RELN: variants seen among roughly 807,000 people sequenced by gnomAD.
RELN encodes the protein reelin.
Under a neutral mutation model 427.6 loss-of-function variants are expected in RELN, and 108 were observed. The observed-to-expected ratio is 0.25, with a 90% CI of 0.22 to 0.30. The LOEUF (loss-of-function observed/expected upper bound fraction) is 0.30. RELN is among the 10% of genes least tolerant of loss of function. The pLI is 1.00. For synonymous variants in RELN, 1,524 were observed against 1,513.4 expected (o/e 1.01, Z -0.16); for missense variants, 3,715 against 4,302.8 (o/e 0.86, Z 3.82).
At chr7:103,512,342 G>T (rs1829446504) in intron 50 of RELN, among the ~76,000 whole-genome samples, 1 of 152,144 alleles carries the variant, frequency 6.6e-6, no homozygotes, top group Non-Finnish European at 1.5e-5. Flanking sequence ...GATTATTTAA[G>T]AAATTAGGAT....
At chr7:103,828,631 T>C (rs908266312) in intron 3 of RELN, among the ~76,000 whole-genome samples, 2 of 151,978 alleles carry the variant, frequency 1.3e-5, no homozygotes, top group Non-Finnish European at 2.9e-5. Context: ...GAATTTTGCC[T>C]GTAATTCACA....
At chr7:103,687,154 T>A (rs1366025489) in intron 10 of RELN, among the ~76,000 whole-genome samples, 1 of 152,326 alleles carries the variant, frequency 6.6e-6, no homozygotes, top group South Asian at 2.1e-4. Context: ...GCAATAATTA[T>A]GACAACTCTA....
chr7:103,496,739 C>T lies in RELN; in HGVS notation c.8980G>A (p.Asp2994Asn). ...GITWTLLHEMDYQKYISVRHD... is the reference protein window; with the variant it reads ...GITWTLLHEMNYQKYISVRHD... ...CTAACAGAAATGTATTTCTGGTAATCCATCTCATGGAGCAAAGTCCAGGTA... is the reference window on the plus strand; with the variant it reads ...CTAACAGAAATGTATTTCTGGTAATTCATCTCATGGAGCAAAGTCCAGGTA... The change falls in exon 56 of 65, where the codon GAT becomes AAT. Residue 2994 changes from aspartate (D) to asparagine (N), a missense_variant. Asp to Asn is a conservative substitution (Grantham distance 23, BLOSUM62 1). This residue lies in a region of RELN where 1,310 missense variants were observed against 1,643.0 expected (regional missense o/e 0.80). Transcript: ENST00000428762. 1 of 1,614,022 alleles carries T rather than the reference C, an allele frequency of 6.2e-7. No individual in the cohort carries two copies. Among genetic ancestry groups the T allele is most frequent in the Admixed American group, 1.7e-5 (1 of 60,006 alleles).
In RELN at chr7:103,974,088, A is replaced by G. The variant is rs142754551; in HGVS notation, c.226+15043T>C. On this transcript the variant is annotated intron_variant, in intron 1 of 64. Coordinates refer to ENST00000428762, the MANE Select transcript of RELN (RefSeq NM_005045.4). ...AACCCAAAAGGTGGAGGTTGAGGTGAGCCGAGACGGTGCCACTGCACTCCA... is the reference window on the plus strand; with the variant it reads ...AACCCAAAAGGTGGAGGTTGAGGTGGGCCGAGACGGTGCCACTGCACTCCA... Among the ~76,000 whole-genome samples the G allele has an allele frequency of 3.4e-3, 517 of 152,342 alleles. 4 individuals carry two copies. Among genetic ancestry groups the G allele is most frequent in the African/African-American group, 0.012 (490 of 41,572 alleles).
At chr7:103,513,644 A>G (rs1458050699) in intron 50 of RELN, 1 of 152,178 alleles carries the variant, frequency 6.6e-6, no homozygotes, top group African/African-American at 2.4e-5. Context: ...GTTATGCCAC[A>G]TGATATACTA....
intron 51 of RELN, 58 bp from the exon 52 acceptor site, chr7:103,503,288 A>T: frequency 1.3e-6 from 2 of 1,527,138 alleles, no homozygotes; most frequent in South Asian, 2.3e-5. Context: ...ATTCTTCTCC[A>T]AGGACTTGGC....
At chr7:103,518,921 T>G (rs947625210) in intron 49 of RELN, among the ~76,000 whole-genome samples, 2 of 152,176 alleles carry the variant, frequency 1.3e-5, no homozygotes, top group African/African-American at 4.8e-5. Flanking sequence ...TTCTTAAGGA[T>G]ATTTACATTT....
At chr7:103,542,687 A>G (rs766966854) in intron 43 of RELN, 44 bp downstream of exon 43, 8 of 1,605,582 alleles carry the variant, frequency 5.0e-6, no homozygotes, top group Non-Finnish European at 6.8e-6. Flanking sequence ...CTGCTATTAT[A>G]CATTACGATG....
chr7:103,549,578 A>T (rs2117149820), intron 41 of RELN, among the ~76,000 whole-genome samples: 1 of 152,282 alleles, frequency 6.6e-6, no homozygotes, highest in East Asian at 1.9e-4. Flanking sequence ...CTCTTGGAAC[A>T]CTTGGCTTTC....
At chr7:103,481,399 A>G (rs1364224613) in intron 63 of RELN, among the ~76,000 whole-genome samples, 1 of 152,226 alleles carries the variant, frequency 6.6e-6, no homozygotes, top group Non-Finnish European at 1.5e-5. Context: ...TTTGTCAGGC[A>G]CAGGAAGCCC....
intron 50 of RELN, chr7:103,513,841 G>A (rs1829488949): frequency 6.6e-6 from 1 of 152,044 alleles, no homozygotes; most frequent in Non-Finnish European, 1.5e-5. Flanking sequence ...TTATGTAAAT[G>A]CGCTAAAAAA....
chr7:103,973,551 A>G (rs4475416), intron 1 of RELN, among the ~76,000 whole-genome samples: 106,648 of 151,826 alleles, frequency 0.7, 38,093 homozygotes, highest in African/African-American at 0.83. Context: ...ACCACAACTT[A>G]GGGAAAAGAA....
At chr7:103,843,652 A>G (rs1793608761) in intron 2 of RELN, among the ~76,000 whole-genome samples, 1 of 152,162 alleles carries the variant, frequency 6.6e-6, no homozygotes, top group Admixed American at 6.5e-5. Context: ...ATCAGTTATT[A>G]TATACCCTTT....
intron 3 of RELN, among the ~76,000 whole-genome samples, chr7:103,779,966 T>TCTGC (rs1283855396): frequency 6.6e-6 from 1 of 152,240 alleles, no homozygotes; most frequent in African/African-American, 2.4e-5. Context: ...GACCTCGTGA[T>TCTGC]CTGCCTGCCT....
At chr7:103,733,240 A>T (rs1790400889) in intron 6 of RELN, among the ~76,000 whole-genome samples, 1 of 151,776 alleles carries the variant, frequency 6.6e-6, no homozygotes, top group Non-Finnish European at 1.5e-5. Flanking sequence ...CCACAATGAG[A>T]TACCATCTCA....
intron 51 of RELN, among the ~76,000 whole-genome samples, chr7:103,510,096 C>T (rs1224266057): frequency 6.6e-6 from 1 of 152,142 alleles, no homozygotes; most frequent in African/African-American, 2.4e-5. Context: ...CCTCAAGGAT[C>T]TAGAACTAGA....
chr7:103,499,649 C>T (rs1828957137), intron 53 of RELN, among the ~76,000 whole-genome samples: 1 of 152,174 alleles, frequency 6.6e-6, no homozygotes, highest in Non-Finnish European at 1.5e-5. Context: ...AAATGTCAGT[C>T]TGCCTTAGTC....
chr7:103,728,506 T>C (rs932932192), intron 6 of RELN, among the ~76,000 whole-genome samples: 1 of 152,136 alleles, frequency 6.6e-6, no homozygotes, highest in Admixed American at 6.6e-5. Context: ...CACATAGTTA[T>C]TGTGAGGATG....
intron 8 of RELN, among the ~76,000 whole-genome samples, chr7:103,706,795 C>T (rs1240765958): frequency 6.6e-6 from 1 of 152,014 alleles, no homozygotes; most frequent in Non-Finnish European, 1.5e-5. Flanking sequence ...AAACCTTTAA[C>T]CCCCCTGCTA....
Sources: allele counts gnomAD v4.1 joint callset (sites outside exome capture counted in the v4.1 genomes callset), GRCh38; gene constraint gnomAD v4.1.1; regional missense constraint gnomAD v4.1.1; transcripts MANE v1.5; gene names NCBI Gene and HGNC (gene_info 2026-07-23, HGNC 2026-07-21).